ITGBL1: variants seen among roughly 807,000 people sequenced by gnomAD.
The protein encoded by ITGBL1 is integrin beta-like protein 1.
A neutral mutation model predicts 68.5 loss-of-function variants in ITGBL1; 51 were observed. The observed-to-expected ratio is 0.74, with a 90% CI of 0.59 to 0.94. ITGBL1 has a LOEUF of 0.94. Among genes scored for constraint, ITGBL1 ranks in the 40% least tolerant of loss-of-function variants. The pLI, the probability that ITGBL1 is intolerant of heterozygous loss-of-function variation, is 0.00. For missense variants in ITGBL1, 649 were observed against 647.4 expected, an observed-to-expected ratio of 1.00 and a Z score of -0.03; for synonymous variants, 209 against 227.3, an observed-to-expected ratio of 0.92 and a Z score of 0.72.
chr13:101,550,303 T>TAATAA (rs1002381342), intron 2 of ITGBL1, among the ~76,000 whole-genome samples: 1 of 152,114 alleles, frequency 6.6e-6, no homozygotes, highest in African/African-American at 2.4e-5. Context: ...TAGCATAATA[T>TAATAA]AATAAACTAC....
intron 2 of ITGBL1, among the ~76,000 whole-genome samples, chr13:101,563,315 A>G (rs2050130470): frequency 6.6e-6 from 1 of 151,586 alleles, no homozygotes; most frequent in Non-Finnish European, 1.5e-5. Context: ...AAAAATAGTG[A>G]AATTGAAAAG....
rs181813005 is a variant in ITGBL1 at position 101,537,110 on chromosome 13, G to A, written c.317-30589G>A. On this transcript the variant is annotated intron_variant, in intron 2 of 10. Coordinates refer to ENST00000376180, the MANE Select transcript of ITGBL1 (RefSeq NM_004791.3). ...ATATAGAGGTGACAAGGTTAAAGTCGTACCTTCTCTAACATTCAATAATCA... is the reference window on the plus strand; with the variant it reads ...ATATAGAGGTGACAAGGTTAAAGTCATACCTTCTCTAACATTCAATAATCA... Among the ~76,000 whole-genome samples, 5 of 151,960 alleles carry A rather than the reference G, an allele frequency of 3.3e-5. No homozygotes were observed. The East Asian group carries it at 7.7e-4, about 24-fold the overall frequency.
chr13:101,642,732 A>G lies in ITGBL1; in HGVS notation c.1015+44433A>G, dbSNP rs1235506243. Among the ~76,000 whole-genome samples the G allele has an allele frequency of 9.2e-5, 14 of 151,776 alleles. No homozygotes were observed. In the South Asian group the frequency reaches 2.9e-3, roughly 32 times the overall value. Reference sequence around the variant, plus strand: ...TAAGTCTTTAATCCATCTTGAATTAATTTTTGTATAAGGTGTAAGGAAGGG... The same window carrying G: ...TAAGTCTTTAATCCATCTTGAATTAGTTTTTGTATAAGGTGTAAGGAAGGG... On this transcript the variant is annotated intron_variant, in intron 7 of 10. Transcript: ENST00000376180.
intron 7 of ITGBL1, among the ~76,000 whole-genome samples, chr13:101,635,550 T>C (rs1184020781): frequency 6.6e-6 from 1 of 151,946 alleles, no homozygotes; most frequent in Non-Finnish European, 1.5e-5. Context: ...GCTCGTAGAG[T>C]CAAGAAATAT....
intron 2 of ITGBL1, among the ~76,000 whole-genome samples, chr13:101,500,472 T>C (rs1462709844): frequency 1.3e-5 from 2 of 152,236 alleles, no homozygotes; most frequent in Non-Finnish European, 2.9e-5. Flanking sequence ...CGAAATGTTC[T>C]TTCTGAATAT....
At chr13:101,568,654 T>C (rs1189612138) in intron 3 of ITGBL1, among the ~76,000 whole-genome samples, 1 of 152,042 alleles carries the variant, frequency 6.6e-6, no homozygotes, top group African/African-American at 2.4e-5. Context: ...GATTTTAATA[T>C]AGATGAGTGT....
At chr13:101,497,716 C>A (rs1401573359) in intron 2 of ITGBL1, among the ~76,000 whole-genome samples, 1 of 152,198 alleles carries the variant, frequency 6.6e-6, no homozygotes, top group Admixed American at 6.5e-5. Context: ...GGTCCTTACT[C>A]CCCAAGTGAC....
intron 2 of ITGBL1, among the ~76,000 whole-genome samples, chr13:101,506,559 G>A (rs946572452): frequency 6.6e-6 from 1 of 152,078 alleles, no homozygotes; most frequent in Non-Finnish European, 1.5e-5. Context: ...CAGCCAGGTC[G>A]GCAGAGCCAG....
At chr13:101,590,383 T>A (rs1264232073) in intron 6 of ITGBL1, among the ~76,000 whole-genome samples, 1 of 152,046 alleles carries the variant, frequency 6.6e-6, no homozygotes, top group Non-Finnish European at 1.5e-5. Flanking sequence ...ATCCCCAAGG[T>A]TTCTATTTTA....
At chr13:101,544,552 G>T (rs2049781319) in intron 2 of ITGBL1, among the ~76,000 whole-genome samples, 1 of 152,184 alleles carries the variant, frequency 6.6e-6, no homozygotes, top group South Asian at 2.1e-4. Flanking sequence ...CCAGCTGCAT[G>T]CTGGGAGAAC....
chr13:101,680,125 A>G (rs1193681512), intron 7 of ITGBL1, among the ~76,000 whole-genome samples: 2 of 152,194 alleles, frequency 1.3e-5, no homozygotes, highest in African/African-American at 4.8e-5. Flanking sequence ...TCACTTTCAA[A>G]TGTCTGAAGG....
intron 5 of ITGBL1, among the ~76,000 whole-genome samples, chr13:101,580,749 A>T (rs544855282): frequency 6.6e-6 from 1 of 152,318 alleles, no homozygotes; most frequent in African/African-American, 2.4e-5. Context: ...TTTGGCTGTC[A>T]AAAAGAGAGA....
rs538722502 is a variant in ITGBL1 at position 101,698,092 on chromosome 13, AAG to A, written c.1132+5396_1132+5397del. 1.1e-3 allele frequency among the ~76,000 whole-genome samples: 166 copies of A among 152,284 alleles called. 1 individual carries two copies. The highest frequency in any genetic ancestry group is 1.7e-3 in the Admixed American group (26 of 15,296). On this transcript the variant is annotated intron_variant, in intron 8 of 10. Transcript: ENST00000376180. ...TTATGGCTTCAGAGAATAACAAAAT[AAG>A]AGAGTCACTCATTTTGGTAATTTTT...
At chr13:101,598,815 T>A (rs1178148508) in intron 7 of ITGBL1, among the ~76,000 whole-genome samples, 1 of 152,256 alleles carries the variant, frequency 6.6e-6, no homozygotes, top group Non-Finnish European at 1.5e-5. Context: ...TGTGCCATAT[T>A]TCCTTAATCC....
intron 8 of ITGBL1, among the ~76,000 whole-genome samples, chr13:101,698,694 A>G (rs2139569591): frequency 6.6e-6 from 1 of 152,366 alleles, no homozygotes; most frequent in African/African-American, 2.4e-5. Context: ...TGACTTGTCC[A>G]GTGATAGTTC....
chr13:101,707,327 T>A (rs2034284277), intron 9 of ITGBL1, among the ~76,000 whole-genome samples: 1 of 152,120 alleles, frequency 6.6e-6, no homozygotes, highest in Admixed American at 6.5e-5. Context: ...CTTTGGGAAC[T>A]TCTGGGGCTA....
chr13:101,715,608 G>T lies in ITGBL1; in HGVS notation c.1439G>T (p.Trp480Leu). ...GGAAACTGTGAATGCTGGGATGGATGGAATGGAAATGCATGTGAAATCTGG... is the reference window on the plus strand; with the variant it reads ...GGAAACTGTGAATGCTGGGATGGATTGAATGGAAATGCATGTGAAATCTGG... The part of the protein sequence containing the change: ...SCGNCECWDG[W>L]NGNACEIWLG... Residue 480 changes from tryptophan (W) to leucine (L), a missense_variant, in exon 11 of 11, where the codon TGG becomes TTG. Trp to Leu is a moderately conservative substitution (Grantham distance 61). Coordinates refer to ENST00000376180, the MANE Select transcript of ITGBL1 (RefSeq NM_004791.3). 1 of 1,613,358 alleles carries T rather than the reference G, an allele frequency of 6.2e-7. No individual in the cohort carries two copies. The highest frequency in any genetic ancestry group is 8.5e-7 in the Non-Finnish European group (1 of 1,179,402).
chr13:101,481,002 ATGTGTG>A (rs71121195), intron 2 of ITGBL1, among the ~76,000 whole-genome samples: 1,790 of 143,296 alleles, frequency 0.012, 35 homozygotes, highest in African/African-American at 0.039. Flanking sequence ...GCCAAAAGAT[ATGTGTG>A]TGTGTGTGTG....
chr13:101,534,831 G>C (rs2139168884), intron 2 of ITGBL1, among the ~76,000 whole-genome samples: 1 of 152,196 alleles, frequency 6.6e-6, no homozygotes, highest in African/African-American at 2.4e-5. Context: ...CTGCACATAA[G>C]TACAATTTTT....
Sources: gnomAD v4.1 joint callset for allele counts (sites outside exome capture counted in the v4.1 genomes callset) on GRCh38, gnomAD v4.1.1 for gene constraint, MANE v1.5 for transcripts, NCBI Gene and HGNC (gene_info 2026-07-23, HGNC 2026-07-21) for gene names.